ZCWPW2: variants seen among roughly 807,000 people sequenced by gnomAD.
The protein encoded by ZCWPW2 is zinc finger CW-type PWWP domain protein 2.
A neutral mutation model predicts 46.6 loss-of-function variants in ZCWPW2; 45 were observed. That is an observed-to-expected ratio of 0.96 (90% confidence interval 0.76 to 1.24). The LOEUF is 1.24. Ranked by LOEUF, ZCWPW2 falls within the 50% of genes most tolerant of loss-of-function variation. The probability of loss-of-function intolerance (pLI) is 0.00; values close to 1 mark genes in which losing one functional copy is unlikely to be tolerated. For missense variants in ZCWPW2, 429 were observed against 403.9 expected (o/e 1.06, Z -0.53); for synonymous variants, 152 against 137.1 (o/e 1.11, Z -0.76).
chr3:28,523,568 C>A (rs1700777759), intron 9 of ZCWPW2, among the ~76,000 whole-genome samples: 2 of 152,038 alleles, frequency 1.3e-5, no homozygotes, highest in African/African-American at 2.4e-5. Context: ...ATTCTCTGAG[C>A]AGATATTGTA....
intron 4 of ZCWPW2, among the ~76,000 whole-genome samples, chr3:28,477,804 T>C (rs1358273954): frequency 6.6e-6 from 1 of 152,152 alleles, no homozygotes; most frequent in Non-Finnish European, 1.5e-5. Flanking sequence ...TAAATAGCCA[T>C]ATTCCTTTTG....
chr3:28,489,970 T>A (rs1699751476), intron 5 of ZCWPW2, among the ~76,000 whole-genome samples: 1 of 151,604 alleles, frequency 6.6e-6, no homozygotes, highest in African/African-American at 2.4e-5. Flanking sequence ...CCAGCATTTA[T>A]AATAAGCAAA....
chr3:28,392,912 C>T (rs1015365927), intron 2 of ZCWPW2, among the ~76,000 whole-genome samples: 1 of 150,266 alleles, frequency 6.7e-6, no homozygotes, highest in African/African-American at 2.4e-5. Flanking sequence ...AACAAACAGC[C>T]CAAAGTTAGC....
At chr3:28,402,923 A>C (rs1375994188) in intron 2 of ZCWPW2, among the ~76,000 whole-genome samples, 2 of 152,194 alleles carry the variant, frequency 1.3e-5, no homozygotes, top group East Asian at 3.9e-4. Context: ...CATCTATGAC[A>C]AACTCACAGT....
At chr3:28,368,308 GC>G (rs1705196877) in intron 1 of ZCWPW2, among the ~76,000 whole-genome samples, 1 of 152,078 alleles carries the variant, frequency 6.6e-6, no homozygotes, top group East Asian at 1.9e-4. Flanking sequence ...CATGTTTAGT[GC>G]TTCCTTCAGG....
At chr3:28,449,288 A>C (rs909821896) in intron 4 of ZCWPW2, among the ~76,000 whole-genome samples, 6 of 152,222 alleles carry the variant, frequency 3.9e-5, no homozygotes, top group Admixed American at 6.5e-5. Flanking sequence ...AAAGTCTTAG[A>C]AGAAAACACA....
intron 6 of ZCWPW2, among the ~76,000 whole-genome samples, chr3:28,498,351 T>G (rs1293448492): frequency 6.6e-6 from 1 of 151,938 alleles, no homozygotes; most frequent in Non-Finnish European, 1.5e-5. Flanking sequence ...CTAGTTCTGC[T>G]ACTTCGTTGT....
intron 9 of ZCWPW2, among the ~76,000 whole-genome samples, chr3:28,523,250 C>G (rs1379657): frequency 0.8 from 121,248 of 152,050 alleles, 49,025 homozygotes; most frequent in African/African-American, 0.94. Context: ...CACTCTGCAC[C>G]CTGAGCTTTG....
At chr3:28,453,236 C>T (rs780253099) in intron 4 of ZCWPW2, among the ~76,000 whole-genome samples, 4 of 152,206 alleles carry the variant, frequency 2.6e-5, no homozygotes, top group Non-Finnish European at 5.9e-5. Flanking sequence ...CTCTATTCTG[C>T]TTTTTGGATT....
rs1427002696 is a variant in ZCWPW2, at chr3:28,492,124, C to G, written c.611-3C>G. 3.7e-6 allele frequency: 6 copies of G among 1,608,954 alleles called. No homozygotes were observed. The Admixed American group carries it at 5.1e-5, about 14-fold the overall frequency. On this transcript the variant is annotated splice_region_variant and splice_polypyrimidine_tract_variant and intron_variant, in intron 5 of 9. Transcript: ENST00000383768. ...GAAGCAGCCATGTTTCATTGTCTTA[C>G]AGATAAATCCGAAACACATGACAAA...
intron 2 of ZCWPW2, among the ~76,000 whole-genome samples, chr3:28,404,288 C>G (rs1696069446): frequency 6.6e-6 from 1 of 152,056 alleles, no homozygotes; most frequent in Non-Finnish European, 1.5e-5. Flanking sequence ...TGCTCAACAT[C>G]ATGAATAATC....
intron 5 of ZCWPW2, among the ~76,000 whole-genome samples, chr3:28,489,794 T>C (rs1043399607): frequency 6.6e-6 from 1 of 152,052 alleles, no homozygotes; most frequent in Non-Finnish European, 1.5e-5. Context: ...TTAAGTAGAT[T>C]ATATTATTTA....
chr3:28,464,278 GT>G (rs1447304305), intron 4 of ZCWPW2, among the ~76,000 whole-genome samples: 3 of 152,110 alleles, frequency 2.0e-5, no homozygotes, highest in Admixed American at 6.5e-5. Context: ...CATTATTCCA[GT>G]TTTCAGGAGC....
rs886234854 is a variant in ZCWPW2, at chr3:28,349,084, C to T, written c.-253C>T. Reference sequence around the variant, plus strand: ...GGGAGGGCGTTAGCGAAGCCAGGTTCGGTCGTGGGGGTGGGGAAGTGCAGG... The same window carrying T: ...GGGAGGGCGTTAGCGAAGCCAGGTTTGGTCGTGGGGGTGGGGAAGTGCAGG... On this transcript the variant is annotated 5_prime_UTR_variant, in exon 1 of 10. Coordinates refer to ENST00000383768, the MANE Select transcript of ZCWPW2 (RefSeq NM_001040432.4). 11 of 985,606 alleles carry T rather than the reference C, an allele frequency of 1.1e-5. No individual in the cohort carries two copies. The African/African-American group carries it at 1.7e-4, about 16-fold the overall frequency. 61.1% of individuals were successfully genotyped at this position (985,606 alleles called of 1,614,324 possible).
chr3:28,441,117 G>A (rs564855266), intron 4 of ZCWPW2, among the ~76,000 whole-genome samples: 16 of 152,274 alleles, frequency 1.1e-4, no homozygotes, highest in African/African-American at 3.6e-4. Context: ...AAGATGACTG[G>A]GGAAAGAGGC....
At chr3:28,497,592 T>A (rs1259509933) in intron 6 of ZCWPW2, among the ~76,000 whole-genome samples, 1 of 152,106 alleles carries the variant, frequency 6.6e-6, no homozygotes, top group Non-Finnish European at 1.5e-5. Context: ...TCACAGTGTT[T>A]CCCTGCTTCC....
At chr3:28,466,746 C>T (rs1698838448) in intron 4 of ZCWPW2, among the ~76,000 whole-genome samples, 1 of 152,084 alleles carries the variant, frequency 6.6e-6, no homozygotes, top group Admixed American at 6.6e-5. Flanking sequence ...TTGCAGTGAG[C>T]CGAGATTGCA....
intron 1 of ZCWPW2, among the ~76,000 whole-genome samples, chr3:28,352,995 A>G (rs1704613603): frequency 6.6e-6 from 1 of 152,008 alleles, no homozygotes. Flanking sequence ...ACCAGCCTGG[A>G]CAACATGGCA....
At chr3:28,448,119 TA>T (rs892407771) in intron 4 of ZCWPW2, 21 of 198,126 alleles carry the variant, frequency 1.1e-4, no homozygotes, top group African/African-American at 3.0e-4. Flanking sequence ...TTAAAAGGCT[TA>T]AAAAAAAGAT....
Sources: allele counts gnomAD v4.1 joint callset (sites outside exome capture counted in the v4.1 genomes callset), GRCh38; gene constraint gnomAD v4.1.1; transcripts MANE v1.5; gene names NCBI Gene and HGNC (gene_info 2026-07-23, HGNC 2026-07-21).